The following TANK variants were observed in gnomAD, a reference collection of about 807,000 sequenced individuals.
TANK encodes TRAF family member associated NFKB activator.
TANK carries 15 observed loss-of-function variants against 43.6 expected under a neutral mutation model. The ratio of observed to expected loss-of-function variants is 0.34; its 90% CI spans 0.23 to 0.53. The LOEUF (loss-of-function observed/expected upper bound fraction) is 0.53, where lower values mean the gene tolerates loss of function less well. Among genes scored for constraint, TANK ranks in the 20% least tolerant of loss-of-function variants. The probability of loss-of-function intolerance (pLI) is 0.94; values close to 1 mark genes in which losing one functional copy is unlikely to be tolerated. For missense variants in TANK, 417 were observed against 498.6 expected (o/e 0.84, Z 1.56); for synonymous variants, 162 against 178.2 (o/e 0.91, Z 0.73).
At chr2:161,210,890 G>GT (rs1331834948) in intron 4 of TANK, among the ~76,000 whole-genome samples, 1 of 152,070 alleles carries the variant, frequency 6.6e-6, no homozygotes. Flanking sequence ...GCATAGATAA[G>GT]TAAAGTTAAA....
chr2:161,218,025 T>TA (rs1687194174), intron 4 of TANK, among the ~76,000 whole-genome samples: 1 of 152,098 alleles, frequency 6.6e-6, no homozygotes, highest in Admixed American at 6.5e-5. Context: ...GTTTGAGAAA[T>TA]ACTATGAAAT....
intron 2 of TANK, among the ~76,000 whole-genome samples, chr2:161,198,133 T>C (rs958535349): frequency 6.6e-6 from 1 of 152,176 alleles, no homozygotes; most frequent in African/African-American, 2.4e-5. Context: ...TACAGTTATA[T>C]GCTTCCAAAA....
At chr2:161,205,466 T>C (rs572440375) in intron 4 of TANK, among the ~76,000 whole-genome samples, 30 of 152,266 alleles carry the variant, frequency 2.0e-4, no homozygotes, top group Non-Finnish European at 2.5e-4. Flanking sequence ...GATAATAGCT[T>C]TCTAGCTTTT....
intron 2 of TANK, chr2:161,180,210 C>A: frequency 1.5e-6 from 1 of 656,314 alleles, no homozygotes; most frequent in Non-Finnish European, 1.9e-6. Flanking sequence ...TAATACTCTT[C>A]CATTCTTTAT....
intron 2 of TANK, chr2:161,201,397 A>G (rs1686406671): frequency 2.2e-5 from 10 of 459,430 alleles, no homozygotes; most frequent in Non-Finnish European, 2.9e-5. Context: ...GTTGGTTTCA[A>G]AAGAAAATAT....
At chr2:161,200,622 C>A (rs1445585534) in intron 2 of TANK, 3 of 827,340 alleles carry the variant, frequency 3.6e-6, no homozygotes, top group Non-Finnish European at 1.5e-6. Context: ...AAAAAAGAAT[C>A]TTCAAACATT....
At chr2:161,192,665 C>T (rs1685969898) in intron 2 of TANK, among the ~76,000 whole-genome samples, 1 of 152,170 alleles carries the variant, frequency 6.6e-6, no homozygotes, top group Non-Finnish European at 1.5e-5. Flanking sequence ...ATCTCAAATA[C>T]ACAGAAGCAG....
chr2:161,194,280 T>TA (rs1460674005), intron 2 of TANK, among the ~76,000 whole-genome samples: 1 of 152,028 alleles, frequency 6.6e-6, no homozygotes, highest in Non-Finnish European at 1.5e-5. Flanking sequence ...AGAAATCTCT[T>TA]TGTTGAGAAG....
rs1688142520 is a variant in TANK, at chr2:161,235,668, ACT to A, written c.*153_*154del. ...AATTTTTTTCTGGATTTACTATATAACTCTTATTTTTTAAAAGATCATTCTGT... is the reference window on the plus strand; with the variant it reads ...AATTTTTTTCTGGATTTACTATATAACTTATTTTTTAAAAGATCATTCTGT... On this transcript the variant is annotated 3_prime_UTR_variant, in exon 8 of 8. Transcript: ENST00000392749. 1 of 576,892 alleles carries A rather than the reference ACT, an allele frequency of 1.7e-6. No homozygotes were observed. The highest frequency in any genetic ancestry group is 3.4e-5 in the South Asian group (1 of 29,096). 35.7% of individuals were successfully genotyped at this position (576,892 alleles called of 1,614,324 possible). A position where few individuals can be genotyped will look rare whatever the true frequency, so the allele number is the denominator to read the frequency against.
rs1687892212 is a variant in TANK, at chr2:161,231,173, T to C, written c.723T>C (p.Asn241=). The C allele has an allele frequency of 1.9e-6, 3 of 1,613,904 alleles. No homozygotes were observed. The highest frequency in any genetic ancestry group is 2.5e-6 in the Non-Finnish European group (3 of 1,180,018). ...ATGTCAAGTTTCCACCTATGGACAA[T>C]GACTCAACTTTCTTACATAGCACTC... ...KFNVKFPPMD[N]DSTFLHSTPE... The change falls in exon 7 of 8, where the codon AAT becomes AAC. Residue 241 remains asparagine (N), a synonymous_variant. Transcript: ENST00000392749.
rs1262758336 is a variant in TANK at position 161,231,301 on chromosome 2, A to G, written c.851A>G (p.Glu284Gly). ...AACCCAGGGAACTTTGTTAAAACAG[A>G]AGAAACTTTATTTGAAATTCAGGGA... ...RDNPGNFVKTEETLFEIQGID... is the reference protein window; with the variant it reads ...RDNPGNFVKTGETLFEIQGID... Residue 284 changes from glutamate (E) to glycine (G), a missense_variant, in exon 7 of 8, where the codon GAA becomes GGA. Transcript: ENST00000392749. 1.9e-6 allele frequency: 3 copies of G among 1,614,046 alleles called. No homozygotes were observed. The highest frequency in any genetic ancestry group is 2.5e-6 in the Non-Finnish European group (3 of 1,180,032).
chr2:161,225,533 T>C (rs1175334979), intron 6 of TANK, among the ~76,000 whole-genome samples: 1 of 152,214 alleles, frequency 6.6e-6, no homozygotes, highest in Non-Finnish European at 1.5e-5. Flanking sequence ...TTCCTGGTGT[T>C]TGCTTCAGTA....
chr2:161,188,606 A>C (rs1685772453), intron 2 of TANK, among the ~76,000 whole-genome samples: 1 of 152,206 alleles, frequency 6.6e-6, no homozygotes, highest in Admixed American at 6.5e-5. Flanking sequence ...TTAAAGCAGA[A>C]TTAATACCAA....
intron 1 of TANK, among the ~76,000 whole-genome samples, chr2:161,167,436 A>T (rs1684732631): frequency 6.6e-6 from 1 of 152,122 alleles, no homozygotes; most frequent in South Asian, 2.1e-4. Context: ...TGGCAGGATA[A>T]TGGCTGCCAA....
At chr2:161,161,171 A>G (rs1573961349) in intron 1 of TANK, 1 of 1,458,030 alleles carries the variant, frequency 6.9e-7, no homozygotes, top group Non-Finnish European at 9.1e-7. Context: ...GTGCTTTTCT[A>G]GAAGTAGAAA....
At chr2:161,178,316 T>C (rs1685258704) in intron 1 of TANK, among the ~76,000 whole-genome samples, 1 of 152,156 alleles carries the variant, frequency 6.6e-6, no homozygotes, top group Non-Finnish European at 1.5e-5. Context: ...TGGAATATTA[T>C]TTAGCCATAA....
At chr2:161,206,478 A>G (rs898395996) in intron 4 of TANK, among the ~76,000 whole-genome samples, 31 of 152,146 alleles carry the variant, frequency 2.0e-4, no homozygotes, top group African/African-American at 6.5e-4. Flanking sequence ...CTATCTTACT[A>G]TTTAACATCA....
At chr2:161,198,778 T>G (rs1686272444) in intron 2 of TANK, among the ~76,000 whole-genome samples, 2 of 152,186 alleles carry the variant, frequency 1.3e-5, no homozygotes, top group South Asian at 4.1e-4. Flanking sequence ...AGTTTACCAT[T>G]TGGCATGCTG....
At chr2:161,146,106 GGT>G (rs1346756725) in intron 1 of TANK, among the ~76,000 whole-genome samples, 1 of 152,062 alleles carries the variant, frequency 6.6e-6, no homozygotes, top group Non-Finnish European at 1.5e-5. Context: ...TATTCTGCTT[GGT>G]CAATTCGGCT....
Sources: allele counts gnomAD v4.1 joint callset (sites outside exome capture counted in the v4.1 genomes callset), GRCh38; gene constraint gnomAD v4.1.1; transcripts MANE v1.5; gene names NCBI Gene and HGNC (gene_info 2026-07-23, HGNC 2026-07-21).